The following PRICKLE1 variants were observed in gnomAD, a reference collection of about 807,000 sequenced individuals.
PRICKLE1 encodes prickle-like protein 1.
PRICKLE1 carries 14 observed loss-of-function variants against 70.2 expected under a neutral mutation model. The observed-to-expected ratio is 0.20, with a 90% CI of 0.13 to 0.31. PRICKLE1 has a LOEUF of 0.31. Ranked by LOEUF, PRICKLE1 falls within the 10% of genes least tolerant of loss-of-function variation. The probability of loss-of-function intolerance (pLI) is 1.00; values close to 1 mark genes in which losing one functional copy is unlikely to be tolerated. For missense variants in PRICKLE1, 821 were observed against 1,026.2 expected (o/e 0.80, Z 2.73); for synonymous variants, 357 against 379.9 (o/e 0.94, Z 0.70).
In PRICKLE1 at chr12:42,483,643, C is replaced by G. The variant is rs1171546622; in HGVS notation, c.-48-11079G>C. 3 of 151,918 alleles carry G rather than the reference C, an allele frequency of 2.0e-5. No individual in the cohort carries two copies. In the South Asian group the frequency reaches 6.2e-4, roughly 32 times the overall value. The allele number at this position is 151,918 out of a possible 1,614,324, so 9.4% of individuals were successfully genotyped here. ...AGCGGACCGCGCCCCCGGGTCGCGT[C>G]CCGGTGCTGGCCCCGCCTGGCGGGC... On this transcript the variant is annotated intron_variant, in intron 1 of 7. Coordinates refer to ENST00000345127, the MANE Select transcript of PRICKLE1 (RefSeq NM_153026.3).
chr12:42,487,864 G>C (rs1012995170), intron 1 of PRICKLE1, among the ~76,000 whole-genome samples: 1 of 152,138 alleles, frequency 6.6e-6, no homozygotes, highest in African/African-American at 2.4e-5. Flanking sequence ...TGGCCAGCAT[G>C]ATGAAACCCC....
At chr12:42,546,712 C>G (rs1348084818) in intron 1 of PRICKLE1, among the ~76,000 whole-genome samples, 2 of 152,174 alleles carry the variant, frequency 1.3e-5, no homozygotes, top group African/African-American at 4.8e-5. Context: ...CGAGATCATG[C>G]CACTGTACTC....
At chr12:42,544,635 A>G (rs760123545) in intron 1 of PRICKLE1, among the ~76,000 whole-genome samples, 1 of 152,218 alleles carries the variant, frequency 6.6e-6, no homozygotes, top group African/African-American at 2.4e-5. Flanking sequence ...AAAACTCTAA[A>G]GATAATGCTA....
At chr12:42,474,011 C>T (rs1358990191) in intron 1 of PRICKLE1, among the ~76,000 whole-genome samples, 3 of 152,136 alleles carry the variant, frequency 2.0e-5, no homozygotes, top group African/African-American at 7.2e-5. Context: ...TGGTAGCTCA[C>T]ACCTGTAATC....
intron 1 of PRICKLE1, among the ~76,000 whole-genome samples, chr12:42,515,256 T>G (rs922709356): frequency 5.4e-4 from 76 of 141,562 alleles, no homozygotes; most frequent in African/African-American, 1.8e-3. Flanking sequence ...TTTTTTTTTT[T>G]GAGATGGAAT....
chr12:42,589,468 G>T lies in PRICKLE1; in HGVS notation c.-52C>A. Reference sequence around the variant, plus strand: ...CGGGATCCAGGCTGCCACTCACCTCGCGCGAGGGAGACGCAACTCGGCTGC... The same window carrying T: ...CGGGATCCAGGCTGCCACTCACCTCTCGCGAGGGAGACGCAACTCGGCTGC... On this transcript the variant is annotated 5_prime_UTR_variant, in exon 1 of 8. Transcript: ENST00000345127. The surrounding 1 kb of genome is among the most constrained non-coding windows in gnomAD (Gnocchi z 5.0). 6.6e-6 allele frequency: 1 copy of T among 152,588 alleles called. No homozygotes were observed. The highest frequency in any genetic ancestry group is 2.0e-4 in the South Asian group (1 of 4,988). 9.5% of individuals were successfully genotyped at this position (152,588 alleles called of 1,614,324 possible).
At chr12:42,470,445 G>T in intron 2 of PRICKLE1, 86 bp from the exon 3 acceptor site, 1 of 959,278 alleles carries the variant, frequency 1.0e-6, no homozygotes, top group Non-Finnish European at 1.7e-6. Flanking sequence ...CTTTCCCTAG[G>T]TACAGGGTTT....
intron 1 of PRICKLE1, among the ~76,000 whole-genome samples, chr12:42,478,526 G>A (rs954511158): frequency 3.3e-5 from 5 of 152,190 alleles, no homozygotes; most frequent in Admixed American, 6.5e-5. Context: ...GGCATTGGGA[G>A]GGGGTGGTCA....
chr12:42,572,156 G>A (rs531290284), intron 1 of PRICKLE1, among the ~76,000 whole-genome samples: 3 of 152,166 alleles, frequency 2.0e-5, no homozygotes, highest in South Asian at 2.1e-4. Flanking sequence ...TCTCTAGGCC[G>A]GGCGCGGTGG....
chr12:42,472,794 C>A (rs1235062715), intron 1 of PRICKLE1, among the ~76,000 whole-genome samples: 2 of 152,118 alleles, frequency 1.3e-5, no homozygotes, highest in Non-Finnish European at 2.9e-5. Context: ...AACATGCCAC[C>A]AAAGCTAGTT....
chr12:42,540,530 T>G (rs2708033), intron 1 of PRICKLE1, among the ~76,000 whole-genome samples: 151,051 of 152,264 alleles, frequency 0.99, 74,937 homozygotes, highest in Middle Eastern at 1. Flanking sequence ...ATCTGAAAGA[T>G]ATTTATCATA....
chr12:42,480,193 G>A (rs995357517), intron 1 of PRICKLE1, among the ~76,000 whole-genome samples: 2 of 152,138 alleles, frequency 1.3e-5, no homozygotes, highest in African/African-American at 2.4e-5. Flanking sequence ...CCTGCTACCT[G>A]TCTCTTATTA....
chr12:42,517,199 C>T (rs1939625690), intron 1 of PRICKLE1, among the ~76,000 whole-genome samples: 1 of 151,954 alleles, frequency 6.6e-6, no homozygotes, highest in African/African-American at 2.4e-5. Context: ...TTCTTCTTTC[C>T]CATTTTATTC....
At chr12:42,516,716 T>A (rs563012199) in intron 1 of PRICKLE1, among the ~76,000 whole-genome samples, 1 of 152,306 alleles carries the variant, frequency 6.6e-6, no homozygotes, top group South Asian at 2.1e-4. Context: ...AGGGAGGTTT[T>A]TGACTCTGTC....
At chr12:42,564,294 C>G (rs1457276343) in intron 1 of PRICKLE1, among the ~76,000 whole-genome samples, 3 of 145,332 alleles carry the variant, frequency 2.1e-5, no homozygotes, top group Non-Finnish European at 3.0e-5. Flanking sequence ...AGAAAAAGGT[C>G]TCTTTCCAAA....
chr12:42,533,420 T>C (rs1248380276), intron 1 of PRICKLE1, among the ~76,000 whole-genome samples: 1 of 152,196 alleles, frequency 6.6e-6, no homozygotes, highest in Non-Finnish European at 1.5e-5. Context: ...CTAATTTCAT[T>C]GTCCATAGAG....
intron 1 of PRICKLE1, among the ~76,000 whole-genome samples, chr12:42,479,120 A>T (rs1034826969): frequency 6.6e-6 from 1 of 152,262 alleles, no homozygotes; most frequent in South Asian, 2.1e-4. Context: ...TTTCACGACC[A>T]TAAAGAATTA....
intron 1 of PRICKLE1, among the ~76,000 whole-genome samples, chr12:42,529,396 T>C (rs1446719773): frequency 6.8e-6 from 1 of 147,816 alleles, no homozygotes; most frequent in African/African-American, 2.4e-5. Context: ...TTTTAGTACT[T>C]CTAACTGCCA....
Position 42,468,808 on chromosome 12 carries a change from C to T in PRICKLE1, c.406G>A (p.Gly136Ser), listed in dbSNP as rs773739764. 2.5e-6 allele frequency: 4 copies of T among 1,614,150 alleles called. No homozygotes were observed. The highest frequency in any genetic ancestry group is 3.4e-6 in the Non-Finnish European group (4 of 1,180,020). ...CGGGAGGCGAACACTGCAACTTCAC[C>T]TCCATTTATCTTCAAACCACACTAC... Reference protein sequence around the residue: ...CEQCGLKINGGEVAVFASRAG... With the variant: ...CEQCGLKINGSEVAVFASRAG... Residue 136 changes from glycine to serine, a missense_variant, in exon 5 of 8, where the codon GGT becomes AGT. Transcript: ENST00000345127.
Sources: gnomAD v4.1 joint callset for allele counts (sites outside exome capture counted in the v4.1 genomes callset) on GRCh38, gnomAD v4.1.1 for gene constraint, Gnocchi (gnomAD v3.1) non-coding constraint, MANE v1.5 for transcripts, NCBI Gene and HGNC (gene_info 2026-07-23, HGNC 2026-07-21) for gene names.